TTC27: variants seen among roughly 807,000 people sequenced by gnomAD.
TTC27 encodes tetratricopeptide repeat protein 27.
Under a neutral mutation model 115.9 loss-of-function variants are expected in TTC27, and 79 were observed. The observed-to-expected ratio is 0.68, with a 90% CI of 0.57 to 0.82. TTC27 has a LOEUF of 0.82. TTC27 is among the 40% of genes least tolerant of loss of function. TTC27 has a pLI of 0.00. For missense variants in TTC27, 1,054 were observed against 993.1 expected, an observed-to-expected ratio of 1.06 and a Z score of -0.82; for synonymous variants, 401 against 356.0, an observed-to-expected ratio of 1.13 and a Z score of -1.42.
At chr2:32,818,412 G>A (rs750483986) in intron 19 of TTC27, among the ~76,000 whole-genome samples, 12 of 152,202 alleles carry the variant, frequency 7.9e-5, no homozygotes, top group Non-Finnish European at 1.8e-4. Context: ...GATGGCTATT[G>A]AGGTTTGACA....
chr2:32,642,884 T>A (rs1340278443), intron 4 of TTC27, among the ~76,000 whole-genome samples: 1 of 152,130 alleles, frequency 6.6e-6, no homozygotes, highest in Non-Finnish European at 1.5e-5. Flanking sequence ...CTCAGGCTGG[T>A]CTTGAACTTG....
At chr2:32,798,709 A>AT (rs1670808264) in intron 16 of TTC27, among the ~76,000 whole-genome samples, 1 of 128,016 alleles carries the variant, frequency 7.8e-6, no homozygotes, top group Non-Finnish European at 1.7e-5. Context: ...CAGCTCAAAA[A>AT]AAAAAATAAT....
At chr2:32,763,510 T>C (rs961047863) in intron 13 of TTC27, among the ~76,000 whole-genome samples, 1 of 152,226 alleles carries the variant, frequency 6.6e-6, no homozygotes, top group African/African-American at 2.4e-5. Flanking sequence ...AGAGCAGTTG[T>C]ATCTGGAAAG....
At chr2:32,648,089 A>G (rs547641918) in intron 4 of TTC27, among the ~76,000 whole-genome samples, 1 of 152,114 alleles carries the variant, frequency 6.6e-6, no homozygotes, top group African/African-American at 2.4e-5. Context: ...GAGGAGGATG[A>G]TATTGGGGCT....
intron 10 of TTC27, among the ~76,000 whole-genome samples, chr2:32,727,490 C>T (rs10175362): frequency 0.32 from 49,007 of 152,062 alleles, 8,602 homozygotes; most frequent in Non-Finnish European, 0.39. Flanking sequence ...AAACCAGCAT[C>T]TGTTGAATTT....
At chr2:32,700,820 G>A (rs1378658048) in intron 9 of TTC27, among the ~76,000 whole-genome samples, 1 of 152,214 alleles carries the variant, frequency 6.6e-6, no homozygotes, top group African/African-American at 2.4e-5. Context: ...GATTACAGGC[G>A]TGAGCCATCA....
At chr2:32,741,074 T>G (rs576258312) in intron 12 of TTC27, among the ~76,000 whole-genome samples, 1 of 152,366 alleles carries the variant, frequency 6.6e-6, no homozygotes, top group African/African-American at 2.4e-5. Context: ...CTTTAATAGC[T>G]TGAATTAAAG....
At chr2:32,633,658 C>A (rs1020404348) in intron 2 of TTC27, among the ~76,000 whole-genome samples, 5 of 152,122 alleles carry the variant, frequency 3.3e-5, no homozygotes, top group Non-Finnish European at 7.4e-5. Context: ...CCTACCGTGG[C>A]CTTCCAAAGT....
chr2:32,729,703 C>T (rs1283090748), intron 10 of TTC27, among the ~76,000 whole-genome samples: 1 of 151,872 alleles, frequency 6.6e-6, no homozygotes, highest in Admixed American at 6.6e-5. Context: ...CCTCCTCTCT[C>T]TCTGCTTGTT....
chr2:32,644,103 C>A (rs1316633118), intron 4 of TTC27, among the ~76,000 whole-genome samples: 1 of 149,864 alleles, frequency 6.7e-6, no homozygotes, highest in Admixed American at 6.7e-5. Flanking sequence ...ATTGCTTGAA[C>A]CCAGGAGGCA....
intron 3 of TTC27, 132 bp downstream of exon 3, chr2:32,634,137 C>G (rs1664322504): frequency 5.7e-6 from 6 of 1,048,354 alleles, no homozygotes; most frequent in Admixed American, 6.0e-5. Flanking sequence ...ACTAAGAATG[C>G]TTGTTCATTG....
At chr2:32,784,563 C>A (rs1306713663) in intron 15 of TTC27, among the ~76,000 whole-genome samples, 2 of 152,122 alleles carry the variant, frequency 1.3e-5, no homozygotes, top group African/African-American at 4.8e-5. Context: ...CTATCAGTCC[C>A]ATGTAAAAAT....
chr2:32,666,839 A>C, intron 7 of TTC27, 71 bp downstream of exon 7: 1 of 1,524,616 alleles, frequency 6.6e-7, no homozygotes, highest in Non-Finnish European at 8.9e-7. Context: ...TGAGTACCAT[A>C]GAAACACTGA....
intron 13 of TTC27, among the ~76,000 whole-genome samples, chr2:32,760,859 C>T (rs1669412032): frequency 6.6e-6 from 1 of 152,116 alleles, no homozygotes. Context: ...CAGCATTATC[C>T]TTTTCCTTCT....
chr2:32,740,047 A>G (rs1433605495), intron 12 of TTC27, among the ~76,000 whole-genome samples: 3 of 152,388 alleles, frequency 2.0e-5, no homozygotes, highest in African/African-American at 4.8e-5. Flanking sequence ...TTTAATGACC[A>G]TAGGCAAAAT....
At chr2:32,744,298 A>T (rs1332533492) in intron 12 of TTC27, among the ~76,000 whole-genome samples, 2 of 152,220 alleles carry the variant, frequency 1.3e-5, no homozygotes, top group African/African-American at 2.4e-5. Context: ...TTTAATAAAA[A>T]ATCCAATGTT....
At chr2:32,724,613 CA>C (rs1668046243) in intron 10 of TTC27, among the ~76,000 whole-genome samples, 1 of 151,996 alleles carries the variant, frequency 6.6e-6, no homozygotes, top group Non-Finnish European at 1.5e-5. Flanking sequence ...AAAGTACTTA[CA>C]AAAAACTTGT....
chr2:32,788,140 C>G (rs1670409501), intron 16 of TTC27, among the ~76,000 whole-genome samples: 1 of 152,126 alleles, frequency 6.6e-6, no homozygotes, highest in South Asian at 2.1e-4. Flanking sequence ...TTTCTGAAAC[C>G]TGTTCCTAAA....
Position 32,728,303 on chromosome 2 carries a change from A to C in TTC27, c.1234-5525A>C, listed in dbSNP as rs375933293. ...TGATCCGCCGGCCTCGGCCTCCCAA[A>C]GTGCTGGGATTACAGGCGTGAACCA... On this transcript the variant is annotated intron_variant, in intron 10 of 19. Coordinates refer to ENST00000317907, the MANE Select transcript of TTC27 (RefSeq NM_017735.5). Among the ~76,000 whole-genome samples the C allele has an allele frequency of 1.2e-3, 176 of 152,110 alleles. 1 individual carries two copies. The highest frequency in any genetic ancestry group is 3.4e-3 in the Middle Eastern group (1 of 294).
Sources: gnomAD v4.1 joint callset for allele counts (sites outside exome capture counted in the v4.1 genomes callset) on GRCh38, gnomAD v4.1.1 for gene constraint, MANE v1.5 for transcripts, NCBI Gene and HGNC (gene_info 2026-07-23, HGNC 2026-07-21) for gene names.